PMP2: variants seen among roughly 807,000 people sequenced by gnomAD.
PMP2 encodes peripheral myelin protein 2.
PMP2 carries 11 observed loss-of-function variants against 15.9 expected under a neutral mutation model. The observed-to-expected ratio is 0.69, with a 90% confidence interval of 0.44 to 1.14. The LOEUF (loss-of-function observed/expected upper bound fraction) is 1.14. Ranked by LOEUF, PMP2 falls within the 50% of genes most tolerant of loss-of-function variation. The pLI is 0.00. For missense variants in PMP2, 151 were observed against 154.0 expected (o/e 0.98, Z 0.10); for synonymous variants, 55 against 54.1 (o/e 1.02, Z -0.07).
Position 81,445,047 on chromosome 8 carries a change from T to A in PMP2, c.74-58A>T. 4 of 1,463,984 alleles carry A rather than the reference T, an allele frequency of 2.7e-6. No individual in the cohort carries two copies. In the South Asian group the frequency reaches 3.6e-5, roughly 13 times the overall value. The allele number at this position is 1,463,984 out of a possible 1,614,324, so 90.7% of individuals were successfully genotyped here. A position where few individuals can be genotyped will look rare whatever the true frequency, so the allele number is the denominator to read the frequency against. ...ACCAAGAGAGCATAGCCAAAGAGAC[T>A]GTGGTGGCCACATCCTACGCTCAGT... On this transcript the variant is annotated intron_variant, in intron 1 of 3. Transcript: ENST00000256103.
chr8:81,441,520 CTCTATCTATCTATCTATCTA>C lies in PMP2; in HGVS notation c.*1858_*1877del, dbSNP rs34425651. 6 of 148,932 alleles carry C rather than the reference CTCTATCTATCTATCTATCTA, an allele frequency of 4.0e-5. No individual in the cohort carries two copies. Among genetic ancestry groups the C allele is most frequent in the South Asian group, 2.2e-4 (1 of 4,644 alleles). The allele number at this position is 148,932 out of a possible 1,614,324, so 9.2% of individuals were successfully genotyped here. On this transcript the variant is annotated 3_prime_UTR_variant, in exon 4 of 4. Transcript: ENST00000256103. ...TTGCAAAAGAGAAACCTTCTCATTT[CTCTATCTATCTATCTATCTA>C]TCTATCTATCTATCTATCTATCTAT...
intron 1 of PMP2, 95 bp from the exon 2 acceptor site, chr8:81,445,084 T>C: frequency 1.1e-6 from 1 of 940,222 alleles, no homozygotes; most frequent in Non-Finnish European, 1.6e-6. Flanking sequence ...GTGCCCCAGG[T>C]GAGTTGATGG....
At chr8:81,445,310 C>T (rs554303490) in intron 1 of PMP2, among the ~76,000 whole-genome samples, 5 of 152,012 alleles carry the variant, frequency 3.3e-5, no homozygotes, top group African/African-American at 7.3e-5. Context: ...CTGCAAGCTC[C>T]GCCTCCCAGG....
At position 81,441,525 on chromosome 8, in the gene PMP2, T is replaced by C; in HGVS notation, c.*1873A>G. 1 of 51,218 alleles carries C rather than the reference T, an allele frequency of 2.0e-5. No individual in the cohort carries two copies. Among genetic ancestry groups the C allele is most frequent in the East Asian group, 3.3e-4 (1 of 3,042 alleles). The allele number at this position is 51,218 out of a possible 1,614,324, so 3.2% of individuals were successfully genotyped here. A position where few individuals can be genotyped will look rare whatever the true frequency, so the allele number is the denominator to read the frequency against. On this transcript the variant is annotated 3_prime_UTR_variant, in exon 4 of 4. Transcript: ENST00000256103. ...AAAGAGAAACCTTCTCATTTCTCTA[T>C]CTATCTATCTATCTATCTATCTATC...
At chr8:81,444,439 CA>C in intron 3 of PMP2, 60 bp downstream of exon 3, 1 of 1,024,780 alleles carries the variant, frequency 9.8e-7, no homozygotes, top group Non-Finnish European at 1.5e-6. Flanking sequence ...ATTTTGAAAA[CA>C]ATATAATCAA....
rs1807401380 is a variant in PMP2 at position 81,444,014 on chromosome 8, A to T, written c.348+486T>A. Among the ~76,000 whole-genome samples, 6 of 152,062 alleles carry T rather than the reference A, an allele frequency of 3.9e-5. No individual in the cohort carries two copies. The South Asian group carries it at 1.2e-3, about 31-fold the overall frequency. On this transcript the variant is annotated intron_variant, in intron 3 of 3. Transcript: ENST00000256103. ...GTCATCACATACAACCTTTGTCATTATTTTCATCTGCCAACTAGAAGTCTC... is the reference window on the plus strand; with the variant it reads ...GTCATCACATACAACCTTTGTCATTTTTTTCATCTGCCAACTAGAAGTCTC...
At chr8:81,444,268 A>T (rs1200434936) in intron 3 of PMP2, among the ~76,000 whole-genome samples, 1 of 152,144 alleles carries the variant, frequency 6.6e-6, no homozygotes, top group Non-Finnish European at 1.5e-5. Context: ...TACCATTTTT[A>T]GGTATTTTTA....
At chr8:81,443,472 G>C in intron 3 of PMP2, 24 bp from the exon 4 acceptor site, 1 of 1,519,000 alleles carries the variant, frequency 6.6e-7, no homozygotes, top group South Asian at 1.2e-5. Context: ...GAGGTTAATT[G>C]AGTATCTCAA....
In PMP2 at chr8:81,442,111, A is replaced by G. The variant is rs1411920664; in HGVS notation, c.*1287T>C. The G allele has an allele frequency of 2.0e-5, 3 of 152,140 alleles. No individual in the cohort carries two copies. The highest frequency in any genetic ancestry group is 4.8e-5 in the African/African-American group (2 of 41,448). The allele number at this position is 152,140 out of a possible 1,614,324, so 9.4% of individuals were successfully genotyped here. A position where few individuals can be genotyped will look rare whatever the true frequency, so the allele number is the denominator to read the frequency against. On this transcript the variant is annotated 3_prime_UTR_variant, in exon 4 of 4. Coordinates refer to ENST00000256103, the MANE Select transcript of PMP2 (RefSeq NM_002677.5). ...ATGCAATTATAATACATATAAACGTACATATACATGGTTTAGAAATTATGA... is the reference window on the plus strand; with the variant it reads ...ATGCAATTATAATACATATAAACGTGCATATACATGGTTTAGAAATTATGA...
At position 81,443,653 on chromosome 8, in the gene PMP2, A is replaced by G. The variant is rs370656233; in HGVS notation, c.349-205T>C. ...AAGTTGATCTACGTTGCTGTAAAGG[A>G]ATTTTTTTAAGTGGCAAGTTTTTAT... On this transcript the variant is annotated intron_variant, in intron 3 of 3. Transcript: ENST00000256103. Among the ~76,000 whole-genome samples the G allele has an allele frequency of 2.6e-5, 4 of 152,294 alleles. No homozygotes were observed. In the East Asian group the frequency reaches 7.7e-4, roughly 29 times the overall value.
chr8:81,444,787 C>T (rs1269509676), intron 2 of PMP2, 30 bp downstream of exon 2: 2 of 1,606,992 alleles, frequency 1.2e-6, no homozygotes, highest in Middle Eastern at 1.7e-4. Context: ...GCCCACTGGG[C>T]CAACTTTGAA....
chr8:81,444,169 A>T (rs1000255873), intron 3 of PMP2, among the ~76,000 whole-genome samples: 4 of 152,224 alleles, frequency 2.6e-5, no homozygotes, highest in African/African-American at 9.6e-5. Flanking sequence ...TACACCTTGC[A>T]GAGAGTGTTT....
rs1470692298 is a variant in PMP2 at position 81,441,654 on chromosome 8, C to G, written c.*1744G>C. 1 of 151,654 alleles carries G rather than the reference C, an allele frequency of 6.6e-6. No homozygotes were observed. The highest frequency in any genetic ancestry group is 1.5e-5 in the Non-Finnish European group (1 of 67,890). 9.4% of individuals were successfully genotyped at this position (151,654 alleles called of 1,614,324 possible). ...GGATTCATGGATTTCTATTTTTTCC[C>G]AATGGAATTGGGAATTTATTTTATT... On this transcript the variant is annotated 3_prime_UTR_variant, in exon 4 of 4. Transcript: ENST00000256103.
chr8:81,446,965 C>T (rs1379883613), intron 1 of PMP2, among the ~76,000 whole-genome samples: 1 of 152,170 alleles, frequency 6.6e-6, no homozygotes, highest in Non-Finnish European at 1.5e-5. Flanking sequence ...ACTTCAGTTG[C>T]TATGAACGTA....
intron 3 of PMP2, among the ~76,000 whole-genome samples, 186 bp from the exon 4 acceptor site, chr8:81,443,634 A>T (rs1292043622): frequency 6.6e-6 from 1 of 152,202 alleles, no homozygotes; most frequent in Non-Finnish European, 1.5e-5. Context: ...TTAAAAGTTG[A>T]TCTACGTTGC....
At position 81,447,350 on chromosome 8, in the gene PMP2, A is replaced by T. The variant is rs1231052802; in HGVS notation, c.37T>A (p.Ser13Thr). 6.2e-7 allele frequency: 1 copy of T among 1,614,002 alleles called. No homozygotes were observed. The highest frequency in any genetic ancestry group is 8.5e-7 in the Non-Finnish European group (1 of 1,179,866). ...ATGTAATCGTCAAAGTTCTCACTAGAGACAAGTTTCCAGGTGCCCAGGAAT... is the reference window on the plus strand; with the variant it reads ...ATGTAATCGTCAAAGTTCTCACTAGTGACAAGTTTCCAGGTGCCCAGGAAT... The part of the protein sequence containing the change: ...NKFLGTWKLV[S>T]SENFDDYMKA... The change falls in exon 1 of 4, where the codon TCT becomes ACT. Residue 13 changes from serine to threonine, a missense_variant. Coordinates refer to ENST00000256103, the MANE Select transcript of PMP2 (RefSeq NM_002677.5).
At position 81,444,948 on chromosome 8, in the gene PMP2, G is replaced by T; in HGVS notation, c.115C>A (p.Pro39Thr). The T allele has an allele frequency of 6.2e-7, 1 of 1,613,848 alleles. No homozygotes were observed. ...CCTTTCTTGCTGATGATCACAGTGGGTTTGGCCAAATTTCCCAGTTTTCTG... is the reference window on the plus strand; with the variant it reads ...CCTTTCTTGCTGATGATCACAGTGGTTTTGGCCAAATTTCCCAGTTTTCTG... ...ATRKLGNLAK[P>T]TVIISKKGDI... Residue 39 changes from proline to threonine, a missense_variant, in exon 2 of 4, where the codon CCC becomes ACC. Transcript: ENST00000256103.
Position 81,440,874 on chromosome 8 carries a change from C to T in PMP2, c.*2524G>A, listed in dbSNP as rs938541108. ...TCAAAATACTTTATTGTGTATTTTC[C>T]AAGAATAGGGATTTTTTTTACTTAA... On this transcript the variant is annotated 3_prime_UTR_variant, in exon 4 of 4. Coordinates refer to ENST00000256103, the MANE Select transcript of PMP2 (RefSeq NM_002677.5). 4 of 151,906 alleles carry T rather than the reference C, an allele frequency of 2.6e-5. No individual in the cohort carries two copies. Among genetic ancestry groups the T allele is most frequent in the African/African-American group, 9.7e-5 (4 of 41,272 alleles). The allele number at this position is 151,906 out of a possible 1,614,324, so 9.4% of individuals were successfully genotyped here. A position where few individuals can be genotyped will look rare whatever the true frequency, so the allele number is the denominator to read the frequency against.
In PMP2 at chr8:81,443,453, A is replaced by T; in HGVS notation, c.349-5T>A. 1 of 1,590,782 alleles carries T rather than the reference A, an allele frequency of 6.3e-7. No individual in the cohort carries two copies. Among genetic ancestry groups the T allele is most frequent in the African/African-American group, 1.3e-5 (1 of 74,248 alleles). ...CACGCCCTTCATTTTACATTCCTTA[A>T]AAAAGAGAGAGGTTAATTGAGTATC... On this transcript the variant is annotated splice_region_variant and splice_polypyrimidine_tract_variant and intron_variant, in intron 3 of 3. Coordinates refer to ENST00000256103, the MANE Select transcript of PMP2 (RefSeq NM_002677.5).
Sources: gnomAD v4.1 joint callset for allele counts (sites outside exome capture counted in the v4.1 genomes callset) on GRCh38, gnomAD v4.1.1 for gene constraint, MANE v1.5 for transcripts, NCBI Gene and HGNC (gene_info 2026-07-23, HGNC 2026-07-21) for gene names.